The following RBFOX1 variants were observed in gnomAD, a reference collection of about 807,000 sequenced individuals.
RBFOX1 encodes RNA binding fox-1 homolog 1.
RBFOX1 carries 8 observed loss-of-function variants against 57.7 expected under a neutral mutation model. The observed-to-expected ratio is 0.14, with a 90% CI of 0.08 to 0.25. The LOEUF is 0.25. Ranked by LOEUF, RBFOX1 falls within the 10% of genes least tolerant of loss-of-function variation. RBFOX1 has a pLI of 1.00. For synonymous variants in RBFOX1, 326 were observed against 222.4 expected, an observed-to-expected ratio of 1.47 and a Z score of -4.15; for missense variants, 611 against 548.5, an observed-to-expected ratio of 1.11 and a Z score of -1.14.
At chr16:5,442,556 A>C (rs1451149338) in intron 1 of RBFOX1, among the ~76,000 whole-genome samples, 1 of 152,116 alleles carries the variant, frequency 6.6e-6, no homozygotes, top group African/African-American at 2.4e-5. Flanking sequence ...GGGAGAGAAA[A>C]ACCAAATCCC....
chr16:7,674,826 G>A (rs867556900), intron 13 of RBFOX1, among the ~76,000 whole-genome samples: 3 of 152,108 alleles, frequency 2.0e-5, no homozygotes, highest in South Asian at 2.1e-4. Context: ...CCCATTTATC[G>A]GACTCGCTGC....
At chr16:6,664,019 C>T (rs2098717083) in intron 3 of RBFOX1, among the ~76,000 whole-genome samples, 1 of 152,180 alleles carries the variant, frequency 6.6e-6, no homozygotes, top group African/African-American at 2.4e-5. Flanking sequence ...AGAATGAAAT[C>T]TGTGTCACAT....
intron 3 of RBFOX1, among the ~76,000 whole-genome samples, chr16:5,830,982 G>GT (rs993532220): frequency 3.3e-5 from 5 of 152,074 alleles, no homozygotes; most frequent in East Asian, 1.9e-4. Flanking sequence ...CCCCAACTCT[G>GT]TTTTTTGCGT....
chr16:6,995,471 G>C (rs2092115235), intron 3 of RBFOX1, among the ~76,000 whole-genome samples: 1 of 152,054 alleles, frequency 6.6e-6, no homozygotes, highest in African/African-American at 2.4e-5. Flanking sequence ...TGACAGAAGA[G>C]GAAGGCTTTG....
At chr16:6,498,122 C>T (rs370514273) in intron 2 of RBFOX1, among the ~76,000 whole-genome samples, 4 of 151,740 alleles carry the variant, frequency 2.6e-5, no homozygotes, top group African/African-American at 7.3e-5. Context: ...CATGGTGGTA[C>T]GTGCCTGTAG....
intron 2 of RBFOX1, among the ~76,000 whole-genome samples, chr16:6,579,929 C>G (rs921957291): frequency 2.0e-5 from 3 of 151,994 alleles, no homozygotes; most frequent in Admixed American, 1.3e-4. Context: ...TGTATAGGTT[C>G]ATGGACCTGT....
At chr16:5,785,904 T>C (rs2054485340) in intron 3 of RBFOX1, among the ~76,000 whole-genome samples, 2 of 152,292 alleles carry the variant, frequency 1.3e-5, no homozygotes, top group East Asian at 3.9e-4. Context: ...TCACCTCAGC[T>C]GACATCACCT....
intron 1 of RBFOX1, among the ~76,000 whole-genome samples, chr16:5,296,287 G>C (rs1474704824): frequency 6.6e-6 from 1 of 152,170 alleles, no homozygotes; most frequent in Non-Finnish European, 1.5e-5. Flanking sequence ...GTTTCGGGTG[G>C]CCTCTCATGA....
intron 1 of RBFOX1, among the ~76,000 whole-genome samples, chr16:6,308,294 T>C (rs2079783771): frequency 6.6e-6 from 1 of 152,232 alleles, no homozygotes; most frequent in South Asian, 2.1e-4. Flanking sequence ...GATTATTATT[T>C]GCTTATTCCT....
rs2049781821 is a variant in RBFOX1, at chr16:5,664,920, G to T, written c.318+65959G>T. Reference sequence around the variant, plus strand: ...TGCCCACCTCCATATTGTCATCCCAGGTTGATTTCCCATTTGTTATCTCTG... The same window carrying T: ...TGCCCACCTCCATATTGTCATCCCATGTTGATTTCCCATTTGTTATCTCTG... On this transcript the variant is annotated intron_variant, in intron 3 of 19. Coordinates refer to the RBFOX1 transcript ENST00000641259. 2.0e-5 allele frequency among the ~76,000 whole-genome samples: 3 copies of T among 151,692 alleles called. No individual in the cohort carries two copies. The South Asian group carries it at 6.3e-4, about 32-fold the overall frequency.
chr16:5,367,218 C>T (rs2065741633), intron 1 of RBFOX1, among the ~76,000 whole-genome samples: 1 of 152,132 alleles, frequency 6.6e-6, no homozygotes, highest in African/African-American at 2.4e-5. Context: ...ATGTGAAGGG[C>T]ATTACAAGCC....
chr16:6,496,843 C>T (rs539189127), intron 2 of RBFOX1, among the ~76,000 whole-genome samples: 2 of 152,076 alleles, frequency 1.3e-5, no homozygotes, highest in Middle Eastern at 6.8e-3. Context: ...GCCTGTAATC[C>T]CAGCTACTCG....
rs574673089 is a variant in RBFOX1 at position 5,696,303 on chromosome 16, A to G, written c.318+97342A>G. On this transcript the variant is annotated intron_variant, in intron 3 of 19. Transcript: ENST00000641259. ...TATTTATGAATCCATAGGCAAAACA[A>G]GGTATCTCATGCATCTGGGTTTTCA... is the stretch of plus-strand genomic sequence containing the variant. 2.6e-5 allele frequency among the ~76,000 whole-genome samples: 4 copies of G among 152,348 alleles called. No homozygotes were observed. In the South Asian group the frequency reaches 8.3e-4, roughly 32 times the overall value.
intron 2 of RBFOX1, among the ~76,000 whole-genome samples, chr16:6,507,939 A>G (rs1703972632): frequency 6.6e-6 from 1 of 152,168 alleles, no homozygotes; most frequent in African/African-American, 2.4e-5. Flanking sequence ...CACTTTTCAC[A>G]ATAGCAAAGA....
intron 4 of RBFOX1, among the ~76,000 whole-genome samples, chr16:5,969,940 G>A (rs2343344): frequency 0.7 from 106,799 of 151,862 alleles, 38,883 homozygotes; most frequent in African/African-American, 0.9. Context: ...AACGTTTGCA[G>A]GGAGTTGACC....
chr16:6,762,396 G>A (rs187954038), intron 3 of RBFOX1, among the ~76,000 whole-genome samples: 45 of 152,086 alleles, frequency 3.0e-4, no homozygotes, highest in Admixed American at 9.2e-4. Flanking sequence ...GTAAATATTA[G>A]CAAACAGTAC....
intron 4 of RBFOX1, among the ~76,000 whole-genome samples, chr16:7,141,154 T>C (rs1346543586): frequency 6.6e-6 from 1 of 152,086 alleles, no homozygotes; most frequent in Admixed American, 6.5e-5. Context: ...GTGTCTAGAC[T>C]TGCAGTCAGC....
At chr16:7,041,758 T>G (rs562056059) in intron 3 of RBFOX1, among the ~76,000 whole-genome samples, 1 of 152,354 alleles carries the variant, frequency 6.6e-6, no homozygotes, top group African/African-American at 2.4e-5. Context: ...TGGACCCAAG[T>G]CATTTGACCC....
intron 4 of RBFOX1, among the ~76,000 whole-genome samples, chr16:7,482,125 C>T (rs1043632383): frequency 6.6e-6 from 1 of 152,192 alleles, no homozygotes; most frequent in Non-Finnish European, 1.5e-5. Flanking sequence ...TCCTCCTGCT[C>T]TATAGTCATA....
Sources: allele counts gnomAD v4.1 joint callset (sites outside exome capture counted in the v4.1 genomes callset), GRCh38; gene constraint gnomAD v4.1.1; transcripts MANE v1.5; gene names NCBI Gene and HGNC (gene_info 2026-07-23, HGNC 2026-07-21).